The following BLMH variants were observed in gnomAD, a reference collection of about 807,000 sequenced individuals.
The protein encoded by BLMH is bleomycin hydrolase, also known as BLM hydrolase.
A neutral mutation model predicts 61.6 loss-of-function variants in BLMH; 32 were observed. The ratio of observed to expected loss-of-function variants is 0.52; its 90% CI spans 0.39 to 0.70. The LOEUF (loss-of-function observed/expected upper bound fraction) is 0.70. Among genes scored for constraint, BLMH ranks in the 30% least tolerant of loss-of-function variants. The probability of loss-of-function intolerance (pLI) is 0.00; values close to 1 mark genes in which losing one functional copy is unlikely to be tolerated. For missense variants in BLMH, 460 were observed against 555.5 expected, an observed-to-expected ratio of 0.83 and a Z score of 1.73; for synonymous variants, 183 against 193.8, an observed-to-expected ratio of 0.94 and a Z score of 0.46.
At chr17:30,250,697 C>A (rs954174001) in intron 11 of BLMH, among the ~76,000 whole-genome samples, 2 of 152,054 alleles carry the variant, frequency 1.3e-5, no homozygotes, top group South Asian at 4.1e-4. Flanking sequence ...AAAGAACTAA[C>A]GATCTACCAT....
chr17:30,254,888 T>C lies in BLMH; in HGVS notation c.1217-5720A>G, dbSNP rs78014771. On this transcript the variant is annotated intron_variant, in intron 11 of 11. Transcript: ENST00000261714. The stretch of plus-strand genomic sequence containing the variant: ...CCTTTAATTTCATAAAAATGAGACA[T>C]CATACATGGTGGTCTTGTATTACAA... 2.3e-3 allele frequency among the ~76,000 whole-genome samples: 354 copies of C among 152,344 alleles called. 1 individual carries two copies. The highest frequency in any genetic ancestry group is 5.0e-3 in the South Asian group (24 of 4,830).
At chr17:30,259,776 A>T (rs1907908983) in intron 11 of BLMH, among the ~76,000 whole-genome samples, 1 of 152,168 alleles carries the variant, frequency 6.6e-6, no homozygotes, top group Admixed American at 6.5e-5. Context: ...AATAAATGTG[A>T]GTTGATGCTA....
chr17:30,281,154 G>A (rs1006769727), intron 6 of BLMH, among the ~76,000 whole-genome samples: 38 of 150,338 alleles, frequency 2.5e-4, no homozygotes, highest in African/African-American at 8.6e-4. Context: ...GCCTTCTGGA[G>A]GCATTAAATG....
At chr17:30,251,819 C>T (rs547415443) in intron 11 of BLMH, among the ~76,000 whole-genome samples, 38 of 152,084 alleles carry the variant, frequency 2.5e-4, no homozygotes, top group Admixed American at 6.5e-4. Context: ...TATTAGGGAC[C>T]GAAAACATTC....
At chr17:30,253,150 G>A (rs919329094) in intron 11 of BLMH, among the ~76,000 whole-genome samples, 3 of 152,172 alleles carry the variant, frequency 2.0e-5, no homozygotes, top group South Asian at 2.1e-4. Context: ...GCCCTGGGCA[G>A]TTAGGCAGGT....
intron 10 of BLMH, among the ~76,000 whole-genome samples, chr17:30,269,753 C>T (rs1452557900): frequency 1.3e-5 from 2 of 152,128 alleles, no homozygotes; most frequent in Non-Finnish European, 2.9e-5. Context: ...AGACCTCAAC[C>T]TTTACATTTA....
intron 11 of BLMH, among the ~76,000 whole-genome samples, chr17:30,257,020 C>G (rs1907835917): frequency 6.6e-6 from 1 of 152,188 alleles, no homozygotes; most frequent in Non-Finnish European, 1.5e-5. Flanking sequence ...TTTTCAGTAT[C>G]TAGAAAAATT....
rs1167238624 is a variant in BLMH, at chr17:30,291,508, C to G, written c.14G>C (p.Gly5Ala). MSSS[G>A]LNSEKVAALI... The stretch of plus-strand genomic sequence containing the variant: ...AGCAGCTACCTTCTCCGAATTCAGT[C>G]CTGTTGGGAGACCAAACAGGATTTT... The change falls in exon 2 of 12, where the codon GGA becomes GCA. Residue 5 changes from glycine (G) to alanine (A), a missense_variant and splice_region_variant. This residue lies in a region of BLMH where 86 missense variants were observed against 84.5 expected (regional missense o/e 1.02). Coordinates refer to ENST00000261714, the MANE Select transcript of BLMH (RefSeq NM_000386.4). 5.0e-6 allele frequency: 8 copies of G among 1,613,718 alleles called. No individual in the cohort carries two copies. Among genetic ancestry groups the G allele is most frequent in the Non-Finnish European group, 6.8e-6 (8 of 1,179,630 alleles).
chr17:30,250,199 A>C (rs1907634241), intron 11 of BLMH: 1 of 152,250 alleles, frequency 6.6e-6, no homozygotes. Context: ...CTAAGACCCC[A>C]AAAGCAAATG....
Position 30,282,830 on chromosome 17 carries a change from G to T in BLMH, c.645+2558C>A, listed in dbSNP as rs1908628527. 2.6e-5 allele frequency among the ~76,000 whole-genome samples: 4 copies of T among 152,320 alleles called. No individual in the cohort carries two copies. In the South Asian group the frequency reaches 8.3e-4, roughly 32 times the overall value. On this transcript the variant is annotated intron_variant, in intron 6 of 11. Coordinates refer to ENST00000261714, the MANE Select transcript of BLMH (RefSeq NM_000386.4). ...TCATTACCAAAGAGTCAGGTTCAAT[G>T]AAAAGAAGTCATTTGGGGGATTGTA...
At chr17:30,288,447 A>G (rs1908790377) in intron 3 of BLMH, among the ~76,000 whole-genome samples, 1 of 152,062 alleles carries the variant, frequency 6.6e-6, no homozygotes. Flanking sequence ...CAACCTCCTG[A>G]GCTCAAGCAA....
At chr17:30,283,669 A>C (rs534147763) in intron 6 of BLMH, among the ~76,000 whole-genome samples, 4 of 151,882 alleles carry the variant, frequency 2.6e-5, no homozygotes, top group Admixed American at 1.3e-4. Context: ...CTACAGGCGC[A>C]TACCACCACG....
intron 11 of BLMH, among the ~76,000 whole-genome samples, chr17:30,250,576 C>CA (rs1907643411): frequency 6.6e-6 from 1 of 151,968 alleles, no homozygotes; most frequent in African/African-American, 2.4e-5. Flanking sequence ...AATTAAAAAG[C>CA]AAAAAAATTA....
At position 30,271,541 on chromosome 17, in the gene BLMH, A is replaced by G. The variant is rs16965659; in HGVS notation, c.1029-153T>C. On this transcript the variant is annotated intron_variant, in intron 9 of 11. Coordinates refer to ENST00000261714, the MANE Select transcript of BLMH (RefSeq NM_000386.4). ...TAGCTCTTCAGAAAGAATATGGAACATGCAGAACTTAGTCTCTCAGTGGGA... is the reference window on the plus strand; with the variant it reads ...TAGCTCTTCAGAAAGAATATGGAACGTGCAGAACTTAGTCTCTCAGTGGGA... 2,152 of 598,020 alleles carry G rather than the reference A, an allele frequency of 3.6e-3. 42 individuals are homozygous for G. The highest frequency in any genetic ancestry group is 0.036 in the African/African-American group (1,935 of 53,990). 37.0% of individuals were successfully genotyped at this position (598,020 alleles called of 1,614,324 possible).
chr17:30,254,803 A>G (rs779169276), intron 11 of BLMH, among the ~76,000 whole-genome samples: 25 of 152,176 alleles, frequency 1.6e-4, no homozygotes, highest in Non-Finnish European at 3.1e-4. Context: ...CTTGGGACAC[A>G]TGTTCAAGCT....
chr17:30,273,397 A>C, intron 7 of BLMH: 1 of 158,912 alleles, frequency 6.3e-6, no homozygotes, highest in Non-Finnish European at 1.4e-5. Flanking sequence ...GAACTCCCGA[A>C]CTCAGGTGAT....
In BLMH at chr17:30,269,696, G is replaced by A. The variant is rs139332804; in HGVS notation, c.1146+1575C>T. ...GGAGTCTCGCTAACTACAGAGCTGAGATTACTGACGAATGGAATAATGAGG... is the reference window on the plus strand; with the variant it reads ...GGAGTCTCGCTAACTACAGAGCTGAAATTACTGACGAATGGAATAATGAGG... On this transcript the variant is annotated intron_variant, in intron 10 of 11. Coordinates refer to ENST00000261714, the MANE Select transcript of BLMH (RefSeq NM_000386.4). Among the ~76,000 whole-genome samples, 77 of 152,248 alleles carry A rather than the reference G, an allele frequency of 5.1e-4. 1 individual carries two copies. In the East Asian group the frequency reaches 0.012, roughly 24 times the overall value.
chr17:30,251,491 A>AGT (rs1329973359), intron 11 of BLMH, among the ~76,000 whole-genome samples: 1 of 152,234 alleles, frequency 6.6e-6, no homozygotes, highest in African/African-American at 2.4e-5. Flanking sequence ...GGCCATCAGC[A>AGT]CCACGACTGT....
At chr17:30,259,039 G>A (rs985699896) in intron 11 of BLMH, among the ~76,000 whole-genome samples, 3 of 152,134 alleles carry the variant, frequency 2.0e-5, no homozygotes, top group Non-Finnish European at 4.4e-5. Flanking sequence ...GGTCACCCTT[G>A]AAGAATCCCT....
Sources: gnomAD v4.1 joint callset for allele counts (sites outside exome capture counted in the v4.1 genomes callset) on GRCh38, gnomAD v4.1.1 for gene constraint, gnomAD v4.1.1 regional missense constraint, MANE v1.5 for transcripts, NCBI Gene and HGNC (gene_info 2026-07-23, HGNC 2026-07-21) for gene names.